The following RAD51 variants were observed in gnomAD, a reference collection of about 807,000 sequenced individuals.
RAD51 encodes the protein DNA repair protein RAD51 homolog 1.
RAD51 carries 14 observed loss-of-function variants against 41.5 expected under a neutral mutation model. The observed-to-expected ratio is 0.34, with a 90% CI of 0.22 to 0.53. The LOEUF (loss-of-function observed/expected upper bound fraction) is 0.53. Ranked by LOEUF, RAD51 falls within the 20% of genes least tolerant of loss-of-function variation. RAD51 has a pLI of 0.95. For synonymous variants in RAD51, 136 were observed against 148.6 expected, an observed-to-expected ratio of 0.92 and a Z score of 0.62; for missense variants, 234 against 422.0, an observed-to-expected ratio of 0.55 and a Z score of 3.90.
Position 40,730,915 on chromosome 15 carries a change from A to G in RAD51, c.897-140A>G. On this transcript the variant is annotated intron_variant, in intron 9 of 9. Transcript: ENST00000267868. The stretch of plus-strand genomic sequence containing the variant: ...GATTCTGCCAGGTTGGAAATGCACT[A>G]AGGAAAACAGTACAGAAACATTCCC... 2.7e-6 allele frequency: 3 copies of G among 1,129,604 alleles called. No homozygotes were observed. The South Asian group carries it at 4.4e-5, about 17-fold the overall frequency. The allele number at this position is 1,129,604 out of a possible 1,614,324, so 70.0% of individuals were successfully genotyped here. A position where few individuals can be genotyped will look rare whatever the true frequency, so the allele number is the denominator to read the frequency against.
chr15:40,696,826 T>A (rs779404316), intron 1 of RAD51, among the ~76,000 whole-genome samples: 1 of 148,830 alleles, frequency 6.7e-6, no homozygotes, highest in South Asian at 2.2e-4. Context: ...AATGTCTTAA[T>A]GTGATTTTAA....
intron 5 of RAD51, among the ~76,000 whole-genome samples, 192 bp downstream of exon 5, chr15:40,709,308 C>T (rs187456402): frequency 7.2e-4 from 109 of 152,096 alleles, no homozygotes; most frequent in African/African-American, 2.6e-3. Context: ...TCATTGATCT[C>T]CTATCAGATA....
chr15:40,706,053 C>G, intron 3 of RAD51, 124 bp from the exon 4 acceptor site: 2 of 677,702 alleles, frequency 3.0e-6, no homozygotes, highest in Non-Finnish European at 5.2e-6. Flanking sequence ...TTGATATTTT[C>G]TCTTCCCATT....
chr15:40,718,228 C>G (rs949940639), intron 5 of RAD51, among the ~76,000 whole-genome samples: 125 of 143,486 alleles, frequency 8.7e-4, no homozygotes, highest in African/African-American at 3.2e-3. Flanking sequence ...GTCTCCAAAA[C>G]AAAAAAAGGC....
intron 9 of RAD51, 86 bp from the exon 10 acceptor site, chr15:40,730,969 A>G (rs1455784156): frequency 6.4e-7 from 1 of 1,567,006 alleles, no homozygotes; most frequent in Non-Finnish European, 8.8e-7. Context: ...ATATATGTCT[A>G]AAAAATTTTC....
intron 6 of RAD51, among the ~76,000 whole-genome samples, chr15:40,723,152 A>G (rs1896366552): frequency 6.6e-6 from 1 of 152,168 alleles, no homozygotes. Flanking sequence ...AACCATGGTG[A>G]GCTACCACTT....
chr15:40,730,521 T>TTTTTTTTTTTTTGTTTTC (rs1491156148), intron 9 of RAD51, among the ~76,000 whole-genome samples: 1 of 92,684 alleles, frequency 1.1e-5, no homozygotes, highest in African/African-American at 5.1e-5. Context: ...ATTTTTTTTC[T>TTTTTTTTTTTTTGTTTTC]TTTTTTTTTT....
At chr15:40,719,876 T>C (rs557864005) in intron 6 of RAD51, among the ~76,000 whole-genome samples, 9 of 151,906 alleles carry the variant, frequency 5.9e-5, no homozygotes, top group African/African-American at 1.7e-4. Context: ...GAACATTTTA[T>C]AATTAAAAGG....
At chr15:40,706,793 A>T (rs1264794782) in intron 4 of RAD51, among the ~76,000 whole-genome samples, 1 of 152,242 alleles carries the variant, frequency 6.6e-6, no homozygotes, top group Non-Finnish European at 1.5e-5. Context: ...ACTTATCTGC[A>T]AATTAAATAA....
intron 1 of RAD51, among the ~76,000 whole-genome samples, chr15:40,697,928 C>G (rs1894752191): frequency 6.6e-6 from 1 of 152,188 alleles, no homozygotes; most frequent in Non-Finnish European, 1.5e-5. Flanking sequence ...CATCAGTTCA[C>G]TTAAACACTT....
chr15:40,705,279 A>T (rs1895260708), intron 3 of RAD51, among the ~76,000 whole-genome samples: 1 of 152,112 alleles, frequency 6.6e-6, no homozygotes, highest in Non-Finnish European at 1.5e-5. Context: ...GTGTTGCTTT[A>T]TTTTTGCATA....
intron 9 of RAD51, among the ~76,000 whole-genome samples, chr15:40,730,653 C>G (rs1896834712): frequency 6.6e-6 from 1 of 150,430 alleles, no homozygotes; most frequent in Non-Finnish European, 1.5e-5. Flanking sequence ...TCCCGAATAG[C>G]TGGGACTACA....
rs777112528 is a variant in RAD51, at chr15:40,728,744, T to C, written c.564T>C (p.Asn188=). 1.2e-5 allele frequency: 20 copies of C among 1,614,018 alleles called. No homozygotes were observed. Among genetic ancestry groups the C allele is most frequent in the Middle Eastern group, 1.6e-4 (1 of 6,084 alleles). The part of the protein sequence containing the change: ...YGLSGSDVLD[N]VAYARAFNTD... Reference sequence around the variant, plus strand: ...TCTCTGGCAGTGATGTCCTGGATAATGTAGCATATGCTCGAGCGTTCAACA... The same window carrying C: ...TCTCTGGCAGTGATGTCCTGGATAACGTAGCATATGCTCGAGCGTTCAACA... The change falls in exon 7 of 10, where the codon AAT becomes AAC. Residue 188 remains asparagine, a synonymous_variant. Coordinates refer to ENST00000267868, the MANE Select transcript of RAD51 (RefSeq NM_002875.5).
intron 4 of RAD51, among the ~76,000 whole-genome samples, chr15:40,708,483 C>A (rs879542342): frequency 1.8e-4 from 27 of 150,588 alleles, no homozygotes; most frequent in Admixed American, 5.3e-4. Flanking sequence ...CCGCCTCGGC[C>A]CCCTAAAGTG....
In RAD51 at chr15:40,718,131, G is replaced by C. The variant is rs369292579; in HGVS notation, c.436-674G>C. On this transcript the variant is annotated intron_variant, in intron 5 of 9. Coordinates refer to ENST00000267868, the MANE Select transcript of RAD51 (RefSeq NM_002875.5). ...CTCAGCTATTTGGGAGGTGAGATGGGAGGATCTCCAGAGCCCGGAAGGCAG... is the reference window on the plus strand; with the variant it reads ...CTCAGCTATTTGGGAGGTGAGATGGCAGGATCTCCAGAGCCCGGAAGGCAG... 3.9e-5 allele frequency among the ~76,000 whole-genome samples: 6 copies of C among 152,256 alleles called. No homozygotes were observed. The East Asian group carries it at 7.7e-4, about 20-fold the overall frequency.
intron 3 of RAD51, chr15:40,701,777 T>G (rs1167151005): frequency 3.6e-4 from 1 of 2,760 alleles, no homozygotes; most frequent in Non-Finnish European, 1.1e-3. Context: ...ATAAAGCAGA[T>G]TTTTTTTTTT....
intron 5 of RAD51, among the ~76,000 whole-genome samples, chr15:40,709,628 C>A (rs1013115162): frequency 6.6e-6 from 1 of 152,086 alleles, no homozygotes; most frequent in Non-Finnish European, 1.5e-5. Context: ...CCCACCTTGG[C>A]CTCCCAAGTG....
In RAD51 at chr15:40,701,141, G is replaced by C; in HGVS notation, c.165G>C (p.Ala55=). Residue 55 remains alanine (A), a synonymous_variant, in exon 3 of 10, where the codon GCG becomes GCC. Transcript: ENST00000267868. The part of the protein sequence containing the change: ...GFHTVEAVAY[A]PKKELINIKG... Reference sequence around the variant, plus strand: ...ATACTGTGGAGGCTGTTGCCTATGCGCCAAAGAAGGAGCTAATAAATATTA... The same window carrying C: ...ATACTGTGGAGGCTGTTGCCTATGCCCCAAAGAAGGAGCTAATAAATATTA... 1 of 1,614,164 alleles carries C rather than the reference G, an allele frequency of 6.2e-7. No homozygotes were observed.
At chr15:40,695,042 C>A (rs1894519057), upstream of RAD51, 1 of 152,288 alleles carries the variant, frequency 6.6e-6, no homozygotes, top group African/African-American at 2.4e-5. Context: ...TCTGTAAACT[C>A]GCGCAGGATC....
Sources: allele counts gnomAD v4.1 joint callset (sites outside exome capture counted in the v4.1 genomes callset), GRCh38; gene constraint gnomAD v4.1.1; transcripts MANE v1.5; gene names NCBI Gene and HGNC (gene_info 2026-07-23, HGNC 2026-07-21).